The following FAT3 variants were observed in gnomAD, a reference collection of about 807,000 sequenced individuals.
The protein encoded by FAT3 is FAT atypical cadherin 3.
FAT3 carries 95 observed loss-of-function variants against 310.2 expected under a neutral mutation model. The ratio of observed to expected loss-of-function variants is 0.31; its 90% CI spans 0.26 to 0.36. FAT3 has a LOEUF of 0.36. Among genes scored for constraint, FAT3 ranks in the 10% least tolerant of loss-of-function variants. The pLI, the probability that FAT3 is intolerant of heterozygous loss-of-function variation, is 1.00. For missense variants in FAT3, 5,408 were observed against 5,715.6 expected, an observed-to-expected ratio of 0.95 and a Z score of 1.74; for synonymous variants, 2,314 against 2,192.9, an observed-to-expected ratio of 1.06 and a Z score of -1.54.
At position 92,800,599 on chromosome 11, in the gene FAT3, G is replaced by A; in HGVS notation, c.7586G>A (p.Gly2529Glu). ...ACAGATGGTGATCCAGGGACTTATG[G>A]GCAGATCAGCTATGCCATCATCAAT... ...RATDGDPGTY[G>E]QISYAIINDF... The change falls in exon 10 of 28, where the codon GGG becomes GAG. Residue 2529 changes from glycine (G) to glutamate (E), a missense_variant. Physicochemically the swap from Gly to Glu is moderately conservative, Grantham distance 98 (BLOSUM62 -2). Around this residue, in one of 5 missense-constraint regions of FAT3, gnomAD observed 4,588 missense variants for 4,809.8 expected, o/e 0.95. Transcript: ENST00000525166. The A allele has an allele frequency of 6.2e-7, 1 of 1,613,702 alleles. No homozygotes were observed. The highest frequency in any genetic ancestry group is 8.5e-7 in the Non-Finnish European group (1 of 1,179,810).
intron 13 of FAT3, among the ~76,000 whole-genome samples, chr11:92,826,329 T>A (rs1313820139): frequency 6.6e-6 from 1 of 152,216 alleles, no homozygotes; most frequent in Non-Finnish European, 1.5e-5. Context: ...CAAGCCTGGG[T>A]CATAAAGACT....
chr11:92,857,247 T>C lies in FAT3; in HGVS notation c.11399T>C (p.Val3800Ala), dbSNP rs993103661. The C allele has an allele frequency of 6.2e-7, 1 of 1,613,994 alleles. No individual in the cohort carries two copies. Among genetic ancestry groups the C allele is most frequent in the Admixed American group, 1.7e-5 (1 of 60,026 alleles). ...GLCPGSNDPC[V>A]EKPCPGDMQC... ...TGTCCGGGGTCCAACGATCCTTGTG[T>C]GGAGAAGCCGTGTCCAGGGGACATG... Residue 3800 changes from valine to alanine, a missense_variant, in exon 20 of 28, where the codon GTG (valine) becomes GCG (alanine). Physicochemically the swap from Val to Ala is moderately conservative, Grantham distance 64 (BLOSUM62 0). This residue lies in a region of FAT3 where 4,588 missense variants were observed against 4,809.8 expected (regional missense o/e 0.95). Coordinates refer to ENST00000525166, the MANE Select transcript of FAT3 (RefSeq NM_001367949.2).
Position 92,475,329 on chromosome 11 carries a change from G to A in FAT3, c.3293-49305G>A, listed in dbSNP as rs546665481. Among the ~76,000 whole-genome samples, 30 of 152,162 alleles carry A rather than the reference G, an allele frequency of 2.0e-4. 2 individuals are homozygous for A. In the South Asian group the frequency reaches 6.3e-3, roughly 32 times the overall value. ...AGAACTTCATCCACATACCAGTAAT[G>A]ATCTGCTGACCATTTTGTTTGGGCT... On this transcript the variant is annotated intron_variant, in intron 2 of 27. Coordinates refer to ENST00000525166, the MANE Select transcript of FAT3 (RefSeq NM_001367949.2).
At chr11:92,724,668 C>A (rs1240523868) in intron 4 of FAT3, among the ~76,000 whole-genome samples, 1 of 152,182 alleles carries the variant, frequency 6.6e-6, no homozygotes, top group Non-Finnish European at 1.5e-5. Context: ...TACACACTCA[C>A]AGTATTCATG....
chr11:92,762,232 A>G lies in FAT3; in HGVS notation c.3984+62A>G, dbSNP rs75597526. 1,056 of 1,466,468 alleles carry G rather than the reference A, an allele frequency of 7.2e-4. 4 individuals carry two copies. The African/African-American group carries it at 0.013, about 19-fold the overall frequency. The allele number at this position is 1,466,468 out of a possible 1,614,324, so 90.8% of individuals were successfully genotyped here. On this transcript the variant is annotated intron_variant, in intron 5 of 27. Transcript: ENST00000525166. ...GGGGAAGTGGTTATGTTCTTATTCAAGTATACTCCTTTGAGCAATAAATCT... is the reference window on the plus strand; with the variant it reads ...GGGGAAGTGGTTATGTTCTTATTCAGGTATACTCCTTTGAGCAATAAATCT...
At position 92,315,508 on chromosome 11, in the gene FAT3, T is replaced by TAGAG. The variant is rs1456432670; in HGVS notation, c.-17-36587_-17-36586insGAGA. 2.8e-3 allele frequency among the ~76,000 whole-genome samples: 234 copies of TAGAG among 83,294 alleles called. 1 individual carries two copies. The highest frequency in any genetic ancestry group is 3.3e-3 in the East Asian group (10 of 3,022). 54.6% of individuals were successfully genotyped at this position (83,294 alleles called of 152,430 possible). On this transcript the variant is annotated intron_variant, in intron 1 of 27. Coordinates refer to ENST00000525166, the MANE Select transcript of FAT3 (RefSeq NM_001367949.2). ...ATATATATATATATATATATATATA[T>TAGAG]ATATAGAGAGAGAGAGAGAGAGAGA...
chr11:92,581,864 G>A (rs568997394), intron 3 of FAT3, among the ~76,000 whole-genome samples: 1 of 152,118 alleles, frequency 6.6e-6, no homozygotes, highest in South Asian at 2.1e-4. Context: ...CTCACAGAGA[G>A]GGTTCTTAGA....
intron 1 of FAT3, among the ~76,000 whole-genome samples, chr11:92,253,228 G>T (rs964871691): frequency 6.6e-6 from 1 of 151,994 alleles, no homozygotes; most frequent in African/African-American, 2.4e-5. Context: ...CAAGTTTCTT[G>T]CTGTAATGCT....
chr11:92,323,630 A>C (rs1947687301), intron 1 of FAT3, among the ~76,000 whole-genome samples: 1 of 147,940 alleles, frequency 6.8e-6, no homozygotes, highest in Non-Finnish European at 1.5e-5. Flanking sequence ...CAATGAGCTT[A>C]AAATATTCAG....
At chr11:92,673,440 A>G (rs1047810424) in intron 3 of FAT3, among the ~76,000 whole-genome samples, 19 of 152,186 alleles carry the variant, frequency 1.2e-4, no homozygotes, top group African/African-American at 4.1e-4. Flanking sequence ...AACTCATGGT[A>G]GAGTTCAGGC....
At chr11:92,867,570 G>C (rs973478889) in intron 22 of FAT3, among the ~76,000 whole-genome samples, 5 of 152,158 alleles carry the variant, frequency 3.3e-5, no homozygotes, top group African/African-American at 1.2e-4. Context: ...GCATGTCACT[G>C]CAGAATGATA....
chr11:92,462,296 T>G (rs909558714), intron 2 of FAT3, among the ~76,000 whole-genome samples: 1 of 152,028 alleles, frequency 6.6e-6, no homozygotes, highest in Non-Finnish European at 1.5e-5. Flanking sequence ...ATCTGATAGG[T>G]AGTTTTTCCA....
intron 2 of FAT3, among the ~76,000 whole-genome samples, chr11:92,508,145 G>C (rs922695166): frequency 6.6e-6 from 1 of 152,046 alleles, no homozygotes; most frequent in Non-Finnish European, 1.5e-5. Flanking sequence ...GTCTTCCTTT[G>C]CTTGTTTTGT....
In FAT3 at chr11:92,512,148, G is replaced by A. The variant is rs143149759; in HGVS notation, c.3293-12486G>A. ...ATCCCCAATTTAAAAAAAGTGCATT[G>A]AAGTATACATTTAAGTATGTTATAT... On this transcript the variant is annotated intron_variant, in intron 2 of 27. Transcript: ENST00000525166. Among the ~76,000 whole-genome samples, 182 of 152,210 alleles carry A rather than the reference G, an allele frequency of 1.2e-3. 1 individual carries two copies. Among genetic ancestry groups the A allele is most frequent in the African/African-American group, 4.2e-3 (176 of 41,530 alleles).
rs1226789157 is a variant in FAT3 at position 92,831,933 on chromosome 11, A to T, written c.9793A>T (p.Ile3265Phe). ...TGCTGTTTTTGCCACCAGCAAAGAT[A>T]TTGGCACAAATGCTGAGATCACTTA... Reference protein sequence around the residue: ...VLAVFATSKDIGTNAEITYLI... With the variant: ...VLAVFATSKDFGTNAEITYLI... The change falls in exon 14 of 28, where the codon ATT becomes TTT. Residue 3265 changes from isoleucine (I) to phenylalanine (F), a missense_variant. By Grantham distance (21) the Ile-to-Phe change is conservative (BLOSUM62 0). This residue lies in a region of FAT3 where 4,588 missense variants were observed against 4,809.8 expected (regional missense o/e 0.95). Transcript: ENST00000525166. 2.5e-6 allele frequency: 4 copies of T among 1,601,668 alleles called. No individual in the cohort carries two copies. Among genetic ancestry groups the T allele is most frequent in the Non-Finnish European group, 3.4e-6 (4 of 1,173,920 alleles).
intron 2 of FAT3, among the ~76,000 whole-genome samples, chr11:92,411,149 TTA>T (rs56346731): frequency 2.2e-5 from 3 of 138,320 alleles, no homozygotes; most frequent in Non-Finnish European, 3.1e-5. Flanking sequence ...TATATATAAA[TTA>T]TATATATATA....
At chr11:92,662,346 G>A (rs1257255949) in intron 3 of FAT3, among the ~76,000 whole-genome samples, 1 of 152,152 alleles carries the variant, frequency 6.6e-6, no homozygotes, top group African/African-American at 2.4e-5. Flanking sequence ...CTTGAGTGAT[G>A]AGAGAATTAA....
intron 2 of FAT3, among the ~76,000 whole-genome samples, chr11:92,506,667 T>C (rs1264703580): frequency 2.0e-5 from 3 of 152,180 alleles, no homozygotes; most frequent in African/African-American, 7.2e-5. Flanking sequence ...ATATGCATGT[T>C]ATCTGCTTCA....
intron 3 of FAT3, among the ~76,000 whole-genome samples, chr11:92,570,315 G>A (rs1955628469): frequency 6.6e-6 from 1 of 152,138 alleles, no homozygotes; most frequent in Admixed American, 6.6e-5. Flanking sequence ...TCTTGTACTT[G>A]CACATAAAGC....
Sources: allele counts gnomAD v4.1 joint callset (sites outside exome capture counted in the v4.1 genomes callset), GRCh38; gene constraint gnomAD v4.1.1; regional missense constraint gnomAD v4.1.1; transcripts MANE v1.5; gene names NCBI Gene and HGNC (gene_info 2026-07-23, HGNC 2026-07-21).